DPYD: variants seen among roughly 807,000 people sequenced by gnomAD.
The protein encoded by DPYD is dihydropyrimidine dehydrogenase.
DPYD carries 109 observed loss-of-function variants against 116.2 expected under a neutral mutation model. The ratio of observed to expected loss-of-function variants is 0.94; its 90% CI spans 0.80 to 1.10. The LOEUF (loss-of-function observed/expected upper bound fraction) is 1.10, where lower values mean the gene tolerates loss of function less well. DPYD is among the 50% of genes least tolerant of loss of function. The pLI is 0.00. For synonymous variants in DPYD, 440 were observed against 432.0 expected, an observed-to-expected ratio of 1.02 and a Z score of -0.23; for missense variants, 1,302 against 1,254.5, an observed-to-expected ratio of 1.04 and a Z score of -0.57.
Position 97,382,496 on chromosome 1 carries a change from G to A in DPYD, c.1906-35C>T, listed in dbSNP as rs370640829. ...GAAAAACAAAAGAATATAAGTTCAAGTAGTTATCCAGTTGTACACAAAGAT... is the reference window on the plus strand; with the variant it reads ...GAAAAACAAAAGAATATAAGTTCAAATAGTTATCCAGTTGTACACAAAGAT... On this transcript the variant is annotated intron_variant, in intron 14 of 22. Transcript: ENST00000370192. The A allele has an allele frequency of 2.2e-6, 3 of 1,342,360 alleles. No homozygotes were observed. The Admixed American group carries it at 5.5e-5, about 25-fold the overall frequency. 83.2% of individuals were successfully genotyped at this position (1,342,360 alleles called of 1,614,324 possible).
chr1:97,140,728 A>T (rs1654155244), intron 20 of DPYD, among the ~76,000 whole-genome samples: 1 of 152,046 alleles, frequency 6.6e-6, no homozygotes, highest in African/African-American at 2.4e-5. Context: ...TAAAGCAGAG[A>T]TTGTTTAAAT....
intron 1 of DPYD, among the ~76,000 whole-genome samples, chr1:97,889,132 A>T (rs1459090134): frequency 6.6e-6 from 1 of 152,020 alleles, no homozygotes; most frequent in East Asian, 1.9e-4. Context: ...ACTCCAGCCT[A>T]GGCAACAAGA....
At chr1:97,559,034 A>C (rs965861165) in intron 11 of DPYD, among the ~76,000 whole-genome samples, 2 of 152,184 alleles carry the variant, frequency 1.3e-5, no homozygotes, top group Non-Finnish European at 2.9e-5. Flanking sequence ...AACTGCTTGA[A>C]GGAATAGATC....
chr1:97,202,004 C>A (rs74104311), intron 19 of DPYD, among the ~76,000 whole-genome samples: 1 of 151,270 alleles, frequency 6.6e-6, no homozygotes, highest in South Asian at 2.1e-4. Flanking sequence ...AGCTTTGCTA[C>A]GAAACTGCAC....
At chr1:97,870,441 C>T (rs900282925) in intron 2 of DPYD, among the ~76,000 whole-genome samples, 3 of 151,510 alleles carry the variant, frequency 2.0e-5, no homozygotes, top group East Asian at 2.0e-4. Flanking sequence ...ACTTCAATAA[C>T]GGAGAGCTAT....
intron 2 of DPYD, among the ~76,000 whole-genome samples, chr1:97,841,830 T>G (rs976877818): frequency 3.3e-5 from 5 of 152,180 alleles, no homozygotes; most frequent in Middle Eastern, 3.4e-3. Flanking sequence ...TTTGTTTTTA[T>G]TATTAATTTT....
At chr1:97,141,335 T>TA (rs1415653951) in intron 20 of DPYD, among the ~76,000 whole-genome samples, 1 of 152,058 alleles carries the variant, frequency 6.6e-6, no homozygotes, top group Non-Finnish European at 1.5e-5. Flanking sequence ...CTACCTTACT[T>TA]ACCTCCCTGA....
intron 16 of DPYD, among the ~76,000 whole-genome samples, chr1:97,312,837 A>G (rs866264976): frequency 6.6e-6 from 1 of 152,028 alleles, no homozygotes; most frequent in Middle Eastern, 3.4e-3. Flanking sequence ...CTCTATACTT[A>G]AGTGTGTTCA....
At chr1:97,098,982 T>C (rs1219308448) in intron 20 of DPYD, among the ~76,000 whole-genome samples, 1 of 152,172 alleles carries the variant, frequency 6.6e-6, no homozygotes, top group Non-Finnish European at 1.5e-5. Context: ...TTGGTTTGTA[T>C]AGACAGAAGG....
At chr1:97,817,894 A>T (rs561725755) in intron 3 of DPYD, among the ~76,000 whole-genome samples, 90 of 152,172 alleles carry the variant, frequency 5.9e-4, no homozygotes, top group Non-Finnish European at 9.6e-4. Context: ...ACCAATTTTT[A>T]TCTCCTAAAT....
chr1:97,381,142 T>C (rs530708920), intron 15 of DPYD, among the ~76,000 whole-genome samples: 6 of 152,288 alleles, frequency 3.9e-5, no homozygotes, highest in African/African-American at 9.6e-5. Context: ...TTCTTTTTTT[T>C]CTTTCTTCCT....
chr1:97,721,407 T>G, intron 5 of DPYD, 103 bp downstream of exon 5: 1 of 1,407,300 alleles, frequency 7.1e-7, no homozygotes, highest in Non-Finnish European at 9.9e-7. Flanking sequence ...TGTGTCACAC[T>G]AAAAATGTTG....
intron 10 of DPYD, among the ~76,000 whole-genome samples, chr1:97,591,133 T>C (rs1654489569): frequency 6.6e-6 from 1 of 151,936 alleles, no homozygotes; most frequent in South Asian, 2.1e-4. Context: ...GGATGCCTAC[T>C]TTCCCTCAAC....
At chr1:97,357,078 ATTACACTGAT>A (rs1219871016) in intron 16 of DPYD, among the ~76,000 whole-genome samples, 3 of 152,214 alleles carry the variant, frequency 2.0e-5, no homozygotes, top group Non-Finnish European at 4.4e-5. Context: ...TTTCATAGGT[ATTACACTGAT>A]TGTGTAGATT....
chr1:97,446,629 G>A (rs995524184), intron 14 of DPYD, among the ~76,000 whole-genome samples: 3 of 152,040 alleles, frequency 2.0e-5, no homozygotes, highest in African/African-American at 7.2e-5. Flanking sequence ...CTGATTCACT[G>A]CTGAAGCCCT....
intron 2 of DPYD, among the ~76,000 whole-genome samples, chr1:97,862,214 A>T (rs1671152623): frequency 6.6e-6 from 1 of 151,942 alleles, no homozygotes; most frequent in Non-Finnish European, 1.5e-5. Context: ...CAGTAAAAAG[A>T]TTTAAAAACA....
chr1:97,659,688 AT>A (rs1474319884), intron 8 of DPYD, among the ~76,000 whole-genome samples: 1 of 152,174 alleles, frequency 6.6e-6, no homozygotes, highest in Non-Finnish European at 1.5e-5. Context: ...TATTTTATTC[AT>A]GTAATGCTGT....
chr1:97,537,720 C>T (rs978441063), intron 12 of DPYD, among the ~76,000 whole-genome samples: 3 of 152,012 alleles, frequency 2.0e-5, no homozygotes, highest in Admixed American at 2.0e-4. Flanking sequence ...AAAAGGCTTC[C>T]CTAAATGTTC....
intron 1 of DPYD, among the ~76,000 whole-genome samples, chr1:97,892,611 CTT>C (rs1672834027): frequency 6.6e-6 from 1 of 151,772 alleles, no homozygotes; most frequent in Non-Finnish European, 1.5e-5. Flanking sequence ...TGGTCAAAGA[CTT>C]ACATTTACCT....
Sources: gnomAD v4.1 joint callset for allele counts (sites outside exome capture counted in the v4.1 genomes callset) on GRCh38, gnomAD v4.1.1 for gene constraint, MANE v1.5 for transcripts, NCBI Gene and HGNC (gene_info 2026-07-23, HGNC 2026-07-21) for gene names.